DTD1: variants seen among roughly 807,000 people sequenced by gnomAD.
DTD1 encodes D-aminoacyl-tRNA deacylase 1, also known as D-tyrosyl-tRNA deacylase 1 homolog.
A neutral mutation model predicts 25.6 loss-of-function variants in DTD1; 13 were observed. The observed-to-expected ratio is 0.51, with a 90% CI of 0.33 to 0.81. The LOEUF is 0.81. Ranked by LOEUF, DTD1 falls within the 30% of genes least tolerant of loss-of-function variation. DTD1 has a pLI of 0.02. For missense variants in DTD1, 193 were observed against 266.4 expected (o/e 0.72, Z 1.92); for synonymous variants, 110 against 103.6 (o/e 1.06, Z -0.37).
chr20:18,730,969 C>T (rs1487698845), intron 4 of DTD1, among the ~76,000 whole-genome samples: 1 of 152,218 alleles, frequency 6.6e-6, no homozygotes, highest in Non-Finnish European at 1.5e-5. Context: ...GTCCATTCCT[C>T]TGTTGTCATG....
chr20:18,618,617 A>G (rs1254518661), intron 3 of DTD1, among the ~76,000 whole-genome samples: 1 of 150,432 alleles, frequency 6.6e-6, no homozygotes, highest in Non-Finnish European at 1.5e-5. Flanking sequence ...GTGTGTGTAT[A>G]TATGTATATG....
chr20:18,710,881 T>G (rs1012094039), intron 4 of DTD1, among the ~76,000 whole-genome samples: 1 of 152,162 alleles, frequency 6.6e-6, no homozygotes, highest in African/African-American at 2.4e-5. Flanking sequence ...GTTTTCCCTG[T>G]GTTCTCTCCT....
intron 4 of DTD1, among the ~76,000 whole-genome samples, chr20:18,686,896 C>G (rs1437780743): frequency 6.6e-6 from 1 of 152,172 alleles, no homozygotes; most frequent in East Asian, 1.9e-4. Context: ...CACCACAATG[C>G]AGACTCACTC....
intron 4 of DTD1, among the ~76,000 whole-genome samples, chr20:18,660,541 A>G (rs2060906057): frequency 6.6e-6 from 1 of 152,212 alleles, no homozygotes; most frequent in Admixed American, 6.5e-5. Context: ...GCTTTTATTT[A>G]GCAAAGCAGA....
At position 18,760,235 on chromosome 20, in the gene DTD1, C is replaced by T. The variant is rs555226671; in HGVS notation, c.*20-3125C>T. 2.4e-4 allele frequency among the ~76,000 whole-genome samples: 36 copies of T among 152,294 alleles called. No individual in the cohort carries two copies. The South Asian group carries it at 3.7e-3, about 16-fold the overall frequency. On this transcript the variant is annotated intron_variant, in intron 5 of 5. Transcript: ENST00000377452. The stretch of plus-strand genomic sequence containing the variant: ...CATCTGAAGCCTTCTTCTCTCAACT[C>T]GTCAAAGTCATTCTCTGTCCAGCTT...
At chr20:18,714,004 C>T (rs1001163781) in intron 4 of DTD1, among the ~76,000 whole-genome samples, 2 of 152,152 alleles carry the variant, frequency 1.3e-5, no homozygotes, top group African/African-American at 4.8e-5. Flanking sequence ...TGCACTCCAC[C>T]GTCTCCTGGA....
rs754266231 is a variant in DTD1, at chr20:18,593,818, A to G, written c.131A>G (p.His44Arg). 1 of 1,613,166 alleles carries G rather than the reference A, an allele frequency of 6.2e-7. No homozygotes were observed. Among genetic ancestry groups the G allele is most frequent in the Non-Finnish European group, 8.5e-7 (1 of 1,179,316 alleles). ...SLEDTQKELE[H>R]MVRKILNLRV... ...GAGGATACGCAGAAGGAACTGGAAC[A>G]CATGTAAGATGCATTTCTGTCATTG... Residue 44 changes from histidine to arginine, a missense_variant, in exon 2 of 6, where the codon CAC (histidine) becomes CGC (arginine). His to Arg is a conservative substitution (Grantham distance 29). Transcript: ENST00000377452.
chr20:18,677,391 A>G (rs554156123), intron 4 of DTD1, among the ~76,000 whole-genome samples: 1 of 151,872 alleles, frequency 6.6e-6, no homozygotes, highest in Admixed American at 6.6e-5. Flanking sequence ...AGATGCTCCT[A>G]GTTTATGTTG....
chr20:18,697,660 A>T (rs1485151513), intron 4 of DTD1, among the ~76,000 whole-genome samples: 1 of 152,144 alleles, frequency 6.6e-6, no homozygotes, highest in African/African-American at 2.4e-5. Flanking sequence ...AGATTTTTGG[A>T]GTGTGGATAT....
At chr20:18,621,287 A>AT (rs921143520) in intron 3 of DTD1, among the ~76,000 whole-genome samples, 7 of 152,136 alleles carry the variant, frequency 4.6e-5, no homozygotes, top group African/African-American at 1.4e-4. Context: ...AAAGTTAGGC[A>AT]TTTTTGGCAG....
chr20:18,693,332 T>C (rs2061055629), intron 4 of DTD1, among the ~76,000 whole-genome samples: 1 of 152,186 alleles, frequency 6.6e-6, no homozygotes, highest in Non-Finnish European at 1.5e-5. Flanking sequence ...AATAACATTG[T>C]TTGTTGTTTT....
chr20:18,610,074 C>G (rs1029200900), intron 3 of DTD1, among the ~76,000 whole-genome samples: 3 of 152,014 alleles, frequency 2.0e-5, no homozygotes, highest in Non-Finnish European at 4.4e-5. Flanking sequence ...TTAGAATGCT[C>G]TAAAGTCCCT....
intron 4 of DTD1, among the ~76,000 whole-genome samples, chr20:18,695,605 C>CTT: frequency 2.0e-5 from 1 of 50,242 alleles, no homozygotes; most frequent in Non-Finnish European, 3.8e-5. Flanking sequence ...CCCTCCCCTC[C>CTT]CCCCTTCCCT....
chr20:18,760,454 G>T (rs1272140418), intron 5 of DTD1, among the ~76,000 whole-genome samples: 1 of 152,128 alleles, frequency 6.6e-6, no homozygotes, highest in African/African-American at 2.4e-5. Flanking sequence ...CCTTCTAATA[G>T]TCAGGACCCT....
chr20:18,635,009 A>G (rs574889918), intron 4 of DTD1, among the ~76,000 whole-genome samples: 1 of 152,346 alleles, frequency 6.6e-6, no homozygotes, highest in African/African-American at 2.4e-5. Flanking sequence ...AAGAACAGTT[A>G]TTTAAATGTA....
intron 4 of DTD1, among the ~76,000 whole-genome samples, chr20:18,686,836 C>A (rs962651585): frequency 3.9e-5 from 6 of 152,058 alleles, no homozygotes; most frequent in Admixed American, 6.6e-5. Context: ...TACTCAAAGA[C>A]CAGGTTAGAG....
chr20:18,695,536 TTTCCC>T (rs761881736), intron 4 of DTD1, among the ~76,000 whole-genome samples: 283 of 12,910 alleles, frequency 0.022, 14 homozygotes, highest in Middle Eastern at 0.042. Flanking sequence ...CTTCCCTTCC[TTTCCC>T]TTCCCTTCCC....
At position 18,648,612 on chromosome 20, in the gene DTD1, C is replaced by G. The variant is rs544931460; in HGVS notation, c.477+20379C>G. Among the ~76,000 whole-genome samples, 3 of 152,154 alleles carry G rather than the reference C, an allele frequency of 2.0e-5. No homozygotes were observed. The East Asian group carries it at 5.8e-4, about 29-fold the overall frequency. Reference sequence around the variant, plus strand: ...AAAGGCAAAGCATTTTCTCTTCTTTCATCTCTCTCTCTTCCTCCTCCACTT... The same window carrying G: ...AAAGGCAAAGCATTTTCTCTTCTTTGATCTCTCTCTCTTCCTCCTCCACTT... On this transcript the variant is annotated intron_variant, in intron 4 of 5. Transcript: ENST00000377452.
rs2060764262 is a variant in DTD1 at position 18,627,462 on chromosome 20, T to G, written c.371-665T>G. 3.3e-5 allele frequency among the ~76,000 whole-genome samples: 5 copies of G among 152,236 alleles called. No individual in the cohort carries two copies. The South Asian group carries it at 1.0e-3, about 31-fold the overall frequency. On this transcript the variant is annotated intron_variant, in intron 3 of 5. Transcript: ENST00000377452. ...ATGCTCTGTGTTTGCCTTCCCACCATGTACAGTCCCGGTAACCCACATTCT... is the reference window on the plus strand; with the variant it reads ...ATGCTCTGTGTTTGCCTTCCCACCAGGTACAGTCCCGGTAACCCACATTCT...
Sources: gnomAD v4.1 joint callset for allele counts (sites outside exome capture counted in the v4.1 genomes callset) on GRCh38, gnomAD v4.1.1 for gene constraint, MANE v1.5 for transcripts, NCBI Gene and HGNC (gene_info 2026-07-23, HGNC 2026-07-21) for gene names.